The following VPS41 variants were observed in gnomAD, a reference collection of about 807,000 sequenced individuals.
VPS41 encodes VPS41 subunit of HOPS complex, also known as vacuolar protein sorting-associated protein 41 homolog.
VPS41 carries 85 observed loss-of-function variants against 130.9 expected under a neutral mutation model. The ratio of observed to expected loss-of-function variants is 0.65; its 90% confidence interval spans 0.55 to 0.78. The LOEUF (loss-of-function observed/expected upper bound fraction) is 0.78, where lower values mean the gene tolerates loss of function less well. Ranked by LOEUF, VPS41 falls within the 30% of genes least tolerant of loss-of-function variation. The probability of loss-of-function intolerance (pLI) is 0.00; values close to 1 mark genes in which losing one functional copy is unlikely to be tolerated. For missense variants in VPS41, 874 were observed against 1,018.7 expected (o/e 0.86, Z 1.93); for synonymous variants, 335 against 332.9 (o/e 1.01, Z -0.07).
At chr7:38,892,784 T>C (rs947287300) in intron 2 of VPS41, among the ~76,000 whole-genome samples, 5 of 152,180 alleles carry the variant, frequency 3.3e-5, no homozygotes, top group Non-Finnish European at 5.9e-5. Flanking sequence ...GAACATCTTT[T>C]TCCTCTCACT....
At chr7:38,806,989 T>C (rs897513658) in intron 7 of VPS41, among the ~76,000 whole-genome samples, 1 of 152,196 alleles carries the variant, frequency 6.6e-6, no homozygotes. Context: ...AAACAAGACA[T>C]GAACATTTTC....
chr7:38,811,716 G>A (rs1469866963), intron 7 of VPS41, among the ~76,000 whole-genome samples: 2 of 151,756 alleles, frequency 1.3e-5, no homozygotes, highest in Non-Finnish European at 2.9e-5. Context: ...ACCCTAGGGT[G>A]CTTTGATTGT....
intron 10 of VPS41, among the ~76,000 whole-genome samples, chr7:38,785,334 A>T (rs1474268030): frequency 6.6e-6 from 1 of 152,258 alleles, no homozygotes; most frequent in Non-Finnish European, 1.5e-5. Flanking sequence ...AAGATCTGCT[A>T]CATGAAGTGA....
At chr7:38,862,753 C>A (rs1786146455) in intron 3 of VPS41, 131 bp from the exon 4 acceptor site, 1 of 605,516 alleles carries the variant, frequency 1.7e-6, no homozygotes, top group African/African-American at 1.9e-5. Context: ...GATATGCATG[C>A]CTTGGAGAAG....
intron 10 of VPS41, among the ~76,000 whole-genome samples, chr7:38,788,859 C>T (rs1784485287): frequency 6.6e-6 from 1 of 152,168 alleles, no homozygotes; most frequent in Non-Finnish European, 1.5e-5. Flanking sequence ...AATGTTATAA[C>T]CACATTAGTC....
rs759944569 is a variant in VPS41, at chr7:38,796,735, T to C, written c.570+10A>G. The C allele has an allele frequency of 4.3e-6, 7 of 1,613,584 alleles. No homozygotes were observed. The African/African-American group carries it at 6.7e-5, about 15-fold the overall frequency. Reference sequence around the variant, plus strand: ...AACAAGCATTAGGAAGACAGAGGCATATTTTTTACCATATTATTGGCCCAA... The same window carrying C: ...AACAAGCATTAGGAAGACAGAGGCACATTTTTTACCATATTATTGGCCCAA... On this transcript the variant is annotated intron_variant, in intron 8 of 28. Transcript: ENST00000310301.
At chr7:38,742,560 A>G (rs1795901494) in intron 24 of VPS41, among the ~76,000 whole-genome samples, 1 of 152,134 alleles carries the variant, frequency 6.6e-6, no homozygotes, top group Admixed American at 6.6e-5. Context: ...CACACGGCTA[A>G]TAAGTAATGT....
chr7:38,828,166 G>A (rs1294436964), intron 5 of VPS41, among the ~76,000 whole-genome samples: 3 of 152,054 alleles, frequency 2.0e-5, no homozygotes, highest in Admixed American at 6.6e-5. Context: ...ACATATGCAA[G>A]AAATCCCAAA....
chr7:38,779,862 G>A (rs1784324653), intron 10 of VPS41, among the ~76,000 whole-genome samples: 1 of 152,080 alleles, frequency 6.6e-6, no homozygotes, highest in Non-Finnish European at 1.5e-5. Context: ...GACTGACTTT[G>A]TAAAATATAT....
chr7:38,901,381 G>A (rs1298213889), intron 1 of VPS41, among the ~76,000 whole-genome samples: 1 of 152,180 alleles, frequency 6.6e-6, no homozygotes, highest in South Asian at 2.1e-4. Flanking sequence ...TCTGCAGTCT[G>A]TACCAGAAGC....
intron 4 of VPS41, among the ~76,000 whole-genome samples, chr7:38,841,605 A>G (rs1785609430): frequency 6.6e-6 from 1 of 151,942 alleles, no homozygotes; most frequent in Non-Finnish European, 1.5e-5. Context: ...CTTTCTACTC[A>G]CAACTTTTGT....
chr7:38,756,720 C>T (rs745848235), intron 19 of VPS41, 118 bp downstream of exon 19: 17 of 733,052 alleles, frequency 2.3e-5, no homozygotes, highest in South Asian at 4.2e-5. Flanking sequence ...TAAAGATTGT[C>T]GGCATAAAGC....
chr7:38,836,251 C>T (rs1019063988), intron 4 of VPS41, among the ~76,000 whole-genome samples: 4 of 151,988 alleles, frequency 2.6e-5, no homozygotes, highest in Admixed American at 1.3e-4. Flanking sequence ...ATCTTATTCG[C>T]AATTACCTTT....
intron 3 of VPS41, among the ~76,000 whole-genome samples, chr7:38,868,886 C>A (rs1786285436): frequency 6.6e-6 from 1 of 152,174 alleles, no homozygotes. Flanking sequence ...TTGCCAAAAC[C>A]CGTTTCATAT....
rs1223086244 is a variant in VPS41 at position 38,724,206 on chromosome 7, C to A, written c.*2040G>T. The stretch of plus-strand genomic sequence containing the variant: ...ACTTGGTAACTAGGATAATTTACCC[C>A]TGAAGCAAAATGACTTCACTGAAAT... On this transcript the variant is annotated 3_prime_UTR_variant, in exon 29 of 29. Transcript: ENST00000310301. 6.6e-6 allele frequency: 1 copy of A among 152,156 alleles called. No individual in the cohort carries two copies. Among genetic ancestry groups the A allele is most frequent in the Admixed American group, 6.5e-5 (1 of 15,278 alleles). 9.4% of individuals were successfully genotyped at this position (152,156 alleles called of 1,614,324 possible).
chr7:38,767,888 A>G (rs768864515), intron 14 of VPS41, among the ~76,000 whole-genome samples: 5 of 152,190 alleles, frequency 3.3e-5, no homozygotes, highest in Non-Finnish European at 7.3e-5. Flanking sequence ...ACATTTTTTC[A>G]TAAAGGAGGT....
At chr7:38,881,043 T>C (rs944346890) in intron 2 of VPS41, among the ~76,000 whole-genome samples, 3 of 152,224 alleles carry the variant, frequency 2.0e-5, no homozygotes, top group Non-Finnish European at 4.4e-5. Context: ...AATCAAATTA[T>C]TTACTGTATT....
At chr7:38,727,786 T>C (rs1013943758) in intron 27 of VPS41, among the ~76,000 whole-genome samples, 32 of 152,210 alleles carry the variant, frequency 2.1e-4, no homozygotes, top group African/African-American at 7.7e-4. Context: ...TATGCTGAAC[T>C]TATATTTGAA....
At chr7:38,735,796 G>A (rs1795751286) in intron 25 of VPS41, among the ~76,000 whole-genome samples, 2 of 152,120 alleles carry the variant, frequency 1.3e-5, no homozygotes, top group African/African-American at 2.4e-5. Context: ...GAGACATTAA[G>A]GCCTCTGACA....
Sources: allele counts gnomAD v4.1 joint callset (sites outside exome capture counted in the v4.1 genomes callset), GRCh38; gene constraint gnomAD v4.1.1; transcripts MANE v1.5; gene names NCBI Gene and HGNC (gene_info 2026-07-23, HGNC 2026-07-21).